Variants in DEPDC5 observed in about 807,000 individuals in gnomAD.
DEPDC5 encodes DEP domain containing 5, GATOR1 subcomplex subunit, also known as GATOR1 complex protein DEPDC5.
A neutral mutation model predicts 217.3 loss-of-function variants in DEPDC5; 73 were observed. That is an observed-to-expected ratio of 0.34 (90% CI 0.28 to 0.41). The LOEUF (loss-of-function observed/expected upper bound fraction) is 0.41, where lower values mean the gene tolerates loss of function less well. Ranked by LOEUF, DEPDC5 falls within the 10% of genes least tolerant of loss-of-function variation. The probability of loss-of-function intolerance (pLI) is 1.00; values close to 1 mark genes in which losing one functional copy is unlikely to be tolerated. For synonymous variants in DEPDC5, 733 were observed against 756.7 expected, an observed-to-expected ratio of 0.97 and a Z score of 0.51; for missense variants, 1,675 against 2,070.1, an observed-to-expected ratio of 0.81 and a Z score of 3.70.
intron 33 of DEPDC5, among the ~76,000 whole-genome samples, chr22:31,869,521 C>T (rs942922512): frequency 2.1e-5 from 3 of 146,102 alleles, no homozygotes; most frequent in Non-Finnish European, 4.5e-5. Context: ...GCCGAGATTG[C>T]GCCACTGCAC....
intron 35 of DEPDC5, 189 bp from the exon 36 acceptor site, chr22:31,874,084 C>G (rs1044462770): frequency 4.4e-6 from 4 of 907,302 alleles, no homozygotes; most frequent in Non-Finnish European, 6.3e-6. Context: ...TGAGCGACCA[C>G]GCTGGGCCCC....
intron 27 of DEPDC5, 65 bp downstream of exon 27, chr22:31,838,910 A>C: frequency 6.6e-7 from 1 of 1,513,784 alleles, no homozygotes; most frequent in Non-Finnish European, 8.9e-7. Context: ...GTGGGTTTTC[A>C]AGATGGTAGG....
At chr22:31,868,245 G>A (rs2092741230) in intron 33 of DEPDC5, among the ~76,000 whole-genome samples, 1 of 152,082 alleles carries the variant, frequency 6.6e-6, no homozygotes, top group South Asian at 2.1e-4. Context: ...AATATCTGGA[G>A]ACATTTTTAT....
intron 38 of DEPDC5, among the ~76,000 whole-genome samples, chr22:31,884,403 G>A (rs915772231): frequency 5.3e-5 from 8 of 152,080 alleles, no homozygotes; most frequent in Admixed American, 1.3e-4. Flanking sequence ...TATTCCCTCC[G>A]CTGGAACAGC....
At chr22:31,852,618 C>T (rs1164942751) in intron 31 of DEPDC5, among the ~76,000 whole-genome samples, 3 of 152,250 alleles carry the variant, frequency 2.0e-5, no homozygotes, top group East Asian at 1.9e-4. Context: ...GGATTATAGG[C>T]GTGAGCCACC....
chr22:31,780,732 C>T (rs962206137), intron 8 of DEPDC5, among the ~76,000 whole-genome samples: 5 of 152,214 alleles, frequency 3.3e-5, no homozygotes, highest in African/African-American at 7.2e-5. Flanking sequence ...GATCTGTGCA[C>T]TCATTAGCAG....
In DEPDC5 at chr22:31,784,495, G is replaced by A. The variant is rs573598702; in HGVS notation, c.563-319G>A. Reference sequence around the variant, plus strand: ...AATACAAAAATTAGCTGGGCTTGGTGGTGGGCGCCTGTAATCCCAGCTACT... The same window carrying A: ...AATACAAAAATTAGCTGGGCTTGGTAGTGGGCGCCTGTAATCCCAGCTACT... On this transcript the variant is annotated intron_variant, in intron 9 of 42. Coordinates refer to ENST00000651528, the MANE Select transcript of DEPDC5 (RefSeq NM_001242896.3). 21 of 234,948 alleles carry A rather than the reference G, an allele frequency of 8.9e-5. No individual in the cohort carries two copies. The South Asian group carries it at 1.1e-3, about 12-fold the overall frequency. The allele number at this position is 234,948 out of a possible 1,614,324, so 14.6% of individuals were successfully genotyped here.
intron 4 of DEPDC5, among the ~76,000 whole-genome samples, chr22:31,763,968 C>T (rs150151113): frequency 0.014 from 2,079 of 151,846 alleles, 15 homozygotes; most frequent in Middle Eastern, 0.031. Flanking sequence ...ATCCCTCTGT[C>T]GCCCAGGCTG....
At chr22:31,869,587 G>C (rs1041416640) in intron 33 of DEPDC5, among the ~76,000 whole-genome samples, 7 of 127,914 alleles carry the variant, frequency 5.5e-5, no homozygotes, top group Admixed American at 1.6e-4. Flanking sequence ...AAAAAAAAAA[G>C]ACTGATAGGT....
chr22:31,870,816 T>C, intron 34 of DEPDC5, 72 bp downstream of exon 34: 2 of 1,419,430 alleles, frequency 1.4e-6, no homozygotes, highest in Non-Finnish European at 9.3e-7. Context: ...CTGCAGAGGC[T>C]GAAGTCCAAA....
In DEPDC5 at chr22:31,833,988, G is replaced by A; in HGVS notation, c.2170+8G>A. On this transcript the variant is annotated splice_region_variant and intron_variant, in intron 25 of 42. Transcript: ENST00000651528. ...CTACCTCTCCAGACCCAAGTAAGAG[G>A]GGGCAGCTGACTGGGGAAAGGGGTA... 6.2e-7 allele frequency: 1 copy of A among 1,613,642 alleles called. No homozygotes were observed. Among genetic ancestry groups the A allele is most frequent in the Non-Finnish European group, 8.5e-7 (1 of 1,179,610 alleles).
chr22:31,785,649 A>T (rs2084909717), intron 10 of DEPDC5, among the ~76,000 whole-genome samples: 1 of 152,070 alleles, frequency 6.6e-6, no homozygotes, highest in African/African-American at 2.4e-5. Context: ...GAATAGCTAA[A>T]ACAATCTTGT....
intron 7 of DEPDC5, among the ~76,000 whole-genome samples, chr22:31,773,548 G>A (rs867524921): frequency 3.3e-5 from 5 of 152,042 alleles, no homozygotes; most frequent in Non-Finnish European, 7.4e-5. Context: ...GCTCAGGCTT[G>A]GTTAAATGTA....
intron 2 of DEPDC5, 92 bp from the exon 3 acceptor site, chr22:31,758,454 C>A: frequency 8.7e-7 from 1 of 1,148,734 alleles, no homozygotes; most frequent in Non-Finnish European, 1.3e-6. Context: ...GGTGGCAATA[C>A]CATCCTGATG....
chr22:31,870,799 T>C (rs1487850377), intron 34 of DEPDC5, 55 bp downstream of exon 34: 2 of 1,437,458 alleles, frequency 1.4e-6, no homozygotes, highest in African/African-American at 1.5e-5. Flanking sequence ...CAGTCTGATC[T>C]CAAAGGCTGC....
At chr22:31,797,823 G>A (rs1168539019) in intron 13 of DEPDC5, 120 bp downstream of exon 13, 8 of 777,508 alleles carry the variant, frequency 1.0e-5, no homozygotes, top group Admixed American at 6.5e-5. Context: ...TCTGCTTTTG[G>A]TCAGGGTTCT....
chr22:31,760,926 C>G (rs980121964), intron 4 of DEPDC5, among the ~76,000 whole-genome samples: 1 of 151,102 alleles, frequency 6.6e-6, no homozygotes, highest in Non-Finnish European at 1.5e-5. Flanking sequence ...CACAGTGAAC[C>G]TTGTATCTGA....
At chr22:31,893,517 A>G in intron 38 of DEPDC5, 65 bp from the exon 39 acceptor site, 7 of 1,416,620 alleles carry the variant, frequency 4.9e-6, no homozygotes, top group Non-Finnish European at 6.5e-6. Flanking sequence ...ATACTTAGTT[A>G]TTTGTTCTTC....
chr22:31,892,722 C>A (rs1366715429), intron 38 of DEPDC5, among the ~76,000 whole-genome samples: 1 of 151,970 alleles, frequency 6.6e-6, no homozygotes, highest in Non-Finnish European at 1.5e-5. Flanking sequence ...CATCCTTTGA[C>A]CTCCACCCCC....
Sources: allele counts gnomAD v4.1 joint callset (sites outside exome capture counted in the v4.1 genomes callset), GRCh38; gene constraint gnomAD v4.1.1; transcripts MANE v1.5; gene names NCBI Gene and HGNC (gene_info 2026-07-23, HGNC 2026-07-21).